TRAF3IP3: variants seen among roughly 807,000 people sequenced by gnomAD.
TRAF3IP3 encodes TRAF3-interacting JNK-activating modulator.
Under a neutral mutation model 86.5 loss-of-function variants are expected in TRAF3IP3, and 64 were observed. The ratio of observed to expected loss-of-function variants is 0.74; its 90% CI spans 0.60 to 0.91. The LOEUF is 0.91. Among genes scored for constraint, TRAF3IP3 ranks in the 40% least tolerant of loss-of-function variants. TRAF3IP3 has a pLI of 0.00. For missense variants in TRAF3IP3, 579 were observed against 642.9 expected (o/e 0.90, Z 1.07); for synonymous variants, 220 against 243.9 (o/e 0.90, Z 0.91).
chr1:209,775,539 G>T (rs765624405), intron 10 of TRAF3IP3, 50 bp downstream of exon 10: 30 of 1,614,056 alleles, frequency 1.9e-5, no homozygotes, highest in Non-Finnish European at 2.2e-5. Flanking sequence ...GGCAGCTTGG[G>T]GAACAAGGGG....
At chr1:209,768,496 A>T in intron 8 of TRAF3IP3, 2 of 985,574 alleles carry the variant, frequency 2.0e-6, no homozygotes, top group Non-Finnish European at 2.4e-6. Flanking sequence ...TTGAGATGAC[A>T]GCGCAGCGGG....
chr1:209,781,403 G>C lies in TRAF3IP3; in HGVS notation c.1508G>C (p.Arg503Pro), dbSNP rs771216589. 3 of 1,613,588 alleles carry C rather than the reference G, an allele frequency of 1.9e-6. No individual in the cohort carries two copies. The highest frequency in any genetic ancestry group is 1.3e-5 in the African/African-American group (1 of 74,908). Residue 503 changes from arginine (R) to proline (P), a missense_variant, in exon 16 of 17, where the codon CGT becomes CCT. Arg to Pro is a moderately radical substitution (Grantham distance 103). Transcript: ENST00000367025. ...NLSDEYLSCL[R>P]KLQHCREELN... ...AGTGACGAGTATCTCTCCTGCCTGC[G>C]TAAGCTGCAGCACTGTCGAGAAGAG...
At chr1:209,781,571 C>A in intron 16 of TRAF3IP3, 113 bp downstream of exon 16, 1 of 733,578 alleles carries the variant, frequency 1.4e-6, no homozygotes, top group Non-Finnish European at 2.4e-6. Context: ...CATCCTGTCC[C>A]ACTGTGCTTG....
intron 8 of TRAF3IP3, among the ~76,000 whole-genome samples, chr1:209,765,231 AAGG>A (rs2077329645): frequency 7.5e-5 from 3 of 39,812 alleles, no homozygotes. Context: ...GAGAGAGAGG[AAGG>A]AAGGAAGGAA....
Position 209,756,168 on chromosome 1 carries a change from G to A in TRAF3IP3, c.-301G>A, listed in dbSNP as rs762220148. 3.3e-5 allele frequency: 5 copies of A among 152,350 alleles called. No individual in the cohort carries two copies. Among genetic ancestry groups the A allele is most frequent in the East Asian group, 1.9e-4 (1 of 5,196 alleles). 9.4% of individuals were successfully genotyped at this position (152,350 alleles called of 1,614,324 possible). On this transcript the variant is annotated 5_prime_UTR_variant, in exon 1 of 17. The change creates a new upstream start codon in the 5' untranslated region. Transcript: ENST00000367025. ...AAGAAAGACGGTACCAAGAAGGGAC[G>A]TGTTAATGGGGCCCAGACCTATGGA...
At chr1:209,767,584 G>C (rs866198701) in intron 8 of TRAF3IP3, among the ~76,000 whole-genome samples, 3 of 152,034 alleles carry the variant, frequency 2.0e-5, no homozygotes, top group Non-Finnish European at 4.4e-5. Context: ...CAGCTACTTG[G>C]GAGGCTGAGG....
intron 11 of TRAF3IP3, chr1:209,776,767 T>G (rs2077663382): frequency 1.3e-5 from 2 of 152,226 alleles, no homozygotes; most frequent in Admixed American, 6.5e-5. Context: ...AAGACATGAC[T>G]CCCACACCAA....
chr1:209,766,731 G>A (rs1055453555), intron 8 of TRAF3IP3, among the ~76,000 whole-genome samples: 1 of 152,188 alleles, frequency 6.6e-6, no homozygotes, highest in Non-Finnish European at 1.5e-5. Context: ...GAGCGTAATC[G>A]TGCATGCCTG....
intron 2 of TRAF3IP3, 30 bp from the exon 3 acceptor site, chr1:209,759,952 C>A (rs1422842596): frequency 3.6e-6 from 4 of 1,111,636 alleles, no homozygotes; most frequent in African/African-American, 1.6e-5. Context: ...TCTGACCCCT[C>A]CCCTTCTCCT....
chr1:209,770,780 G>GGTGT (rs200090853), intron 8 of TRAF3IP3, among the ~76,000 whole-genome samples: 1 of 111,570 alleles, frequency 9.0e-6, no homozygotes, highest in Non-Finnish European at 1.8e-5. Flanking sequence ...TGCCTATGGA[G>GGTGT]GTGTGTGTGT....
At chr1:209,768,448 G>A in intron 8 of TRAF3IP3, 1 of 985,594 alleles carries the variant, frequency 1.0e-6, no homozygotes, top group Non-Finnish European at 1.2e-6. Context: ...GAGCAGGGCA[G>A]CCTTGGGTTT....
intron 8 of TRAF3IP3, among the ~76,000 whole-genome samples, chr1:209,772,680 T>G (rs888857538): frequency 9.9e-5 from 14 of 141,934 alleles, no homozygotes; most frequent in African/African-American, 4.4e-4. Flanking sequence ...GGGGCCCCCC[T>G]GCTATGCTAC....
intron 9 of TRAF3IP3, among the ~76,000 whole-genome samples, chr1:209,774,717 G>T (rs1446247152): frequency 6.6e-6 from 1 of 152,202 alleles, no homozygotes. Context: ...AATCCATGGA[G>T]AGATTTATAC....
chr1:209,766,846 G>A lies in TRAF3IP3; in HGVS notation c.702+3259G>A, dbSNP rs1480072348. Among the ~76,000 whole-genome samples the A allele has an allele frequency of 2.6e-5, 4 of 152,286 alleles. No homozygotes were observed. The South Asian group carries it at 6.2e-4, about 24-fold the overall frequency. On this transcript the variant is annotated intron_variant, in intron 8 of 16. Coordinates refer to ENST00000367025, the MANE Select transcript of TRAF3IP3 (RefSeq NM_025228.4). ...GCCACTGCACTCCAGCCTGGGTGACGGAGCAAGATTCTGTCTCAAAAAATA... is the reference window on the plus strand; with the variant it reads ...GCCACTGCACTCCAGCCTGGGTGACAGAGCAAGATTCTGTCTCAAAAAATA...
chr1:209,766,452 T>C (rs2077359080), intron 8 of TRAF3IP3, among the ~76,000 whole-genome samples: 2 of 152,128 alleles, frequency 1.3e-5, no homozygotes, highest in Non-Finnish European at 2.9e-5. Context: ...AGACATGTAA[T>C]AAATAACACC....
chr1:209,764,462 C>G (rs1173330412), intron 8 of TRAF3IP3, among the ~76,000 whole-genome samples: 1 of 152,084 alleles, frequency 6.6e-6, no homozygotes, highest in Non-Finnish European at 1.5e-5. Context: ...AAAGGCAAGG[C>G]CGGGGGTGGT....
Position 209,773,031 on chromosome 1 carries a change from G to A in TRAF3IP3, c.774+12G>A, listed in dbSNP as rs1476733134. The A allele has an allele frequency of 1.3e-6, 2 of 1,590,874 alleles. No individual in the cohort carries two copies. Among genetic ancestry groups the A allele is most frequent in the Admixed American group, 3.6e-5 (2 of 55,440 alleles). ...ACACCTGTACCCAGGTAAGCATTCT[G>A]AAGGATACTTCCATCTCAGGAATCT... On this transcript the variant is annotated intron_variant, in intron 9 of 16. Transcript: ENST00000367025.
chr1:209,771,514 GGTGT>G (rs796284193), intron 8 of TRAF3IP3, among the ~76,000 whole-genome samples: 2 of 129,734 alleles, frequency 1.5e-5, no homozygotes, highest in African/African-American at 6.1e-5. Context: ...TGTGTGTGAA[GGTGT>G]GTGTGTGCAG....
chr1:209,761,244 C>T (rs2077239653), intron 3 of TRAF3IP3, among the ~76,000 whole-genome samples: 1 of 152,202 alleles, frequency 6.6e-6, no homozygotes, highest in Admixed American at 6.5e-5. Flanking sequence ...GAAGCTTTCC[C>T]TGGCTTCTCC....
Sources: gnomAD v4.1 joint callset for allele counts (sites outside exome capture counted in the v4.1 genomes callset) on GRCh38, gnomAD v4.1.1 for gene constraint, MANE v1.5 for transcripts, NCBI Gene and HGNC (gene_info 2026-07-23, HGNC 2026-07-21) for gene names.